The following RSPRY1 variants were observed in gnomAD, a reference collection of about 807,000 sequenced individuals.
The protein encoded by RSPRY1 is ring finger and SPRY domain containing 1.
In RSPRY1, 23 loss-of-function variants were observed where a neutral mutation model predicts 73.1. The ratio of observed to expected loss-of-function variants is 0.31; its 90% confidence interval spans 0.23 to 0.45. The LOEUF (loss-of-function observed/expected upper bound fraction) is 0.45, where lower values mean the gene tolerates loss of function less well. RSPRY1 is among the 20% of genes least tolerant of loss of function. RSPRY1 has a pLI of 1.00. For synonymous variants in RSPRY1, 226 were observed against 251.4 expected, an observed-to-expected ratio of 0.90 and a Z score of 0.95; for missense variants, 448 against 698.7, an observed-to-expected ratio of 0.64 and a Z score of 4.05.
chr16:57,193,654 G>A lies in RSPRY1; in HGVS notation c.-156+7203G>A, dbSNP rs150919285. Among the ~76,000 whole-genome samples, 732 of 152,044 alleles carry A rather than the reference G, an allele frequency of 4.8e-3. 4 individuals are homozygous for A. The highest frequency in any genetic ancestry group is 0.017 in the African/African-American group (694 of 41,474). ...ATTACAGGCACACGCCACTGTGCCT[G>A]GCTAATTTTTGTATTTTTTTAAGCA... On this transcript the variant is annotated intron_variant, in intron 1 of 14. Coordinates refer to ENST00000394420, the MANE Select transcript of RSPRY1 (RefSeq NM_133368.3).
intron 14 of RSPRY1, among the ~76,000 whole-genome samples, chr16:57,236,273 G>C (rs947500687): frequency 2.0e-5 from 3 of 152,166 alleles, no homozygotes; most frequent in African/African-American, 4.8e-5. Flanking sequence ...CTCTGGTCCT[G>C]TGGTCTTGCA....
intron 1 of RSPRY1, among the ~76,000 whole-genome samples, chr16:57,202,878 TTATATATATATATATA>T (rs55701001): frequency 1.5e-5 from 2 of 131,638 alleles, no homozygotes; most frequent in South Asian, 2.8e-4. Context: ...TTACATATGA[TTATATATATATATATA>T]TATATATATA....
At chr16:57,238,071 T>G (rs1434611245) in intron 14 of RSPRY1, among the ~76,000 whole-genome samples, 1 of 152,134 alleles carries the variant, frequency 6.6e-6, no homozygotes, top group Non-Finnish European at 1.5e-5. Context: ...AACATATAAT[T>G]GAAGATCCCT....
intron 3 of RSPRY1, among the ~76,000 whole-genome samples, 192 bp downstream of exon 3, chr16:57,208,302 C>CTTTTTTTT (rs34138044): frequency 1.3e-5 from 1 of 79,182 alleles, no homozygotes. Context: ...CATATTATAC[C>CTTTTTTTT]TTTTTTTTTT....
rs778841803 is a variant in RSPRY1 at position 57,204,611 on chromosome 16, C to A, written c.-48C>A. ...AAAAACAAATAGGATGCAAATTCCT[C>A]AACTCCAGGTTATGAAAACAGTACT... On this transcript the variant is annotated 5_prime_UTR_variant, in exon 2 of 15. Transcript: ENST00000394420. 2 of 1,547,462 alleles carry A rather than the reference C, an allele frequency of 1.3e-6. No homozygotes were observed. The highest frequency in any genetic ancestry group is 1.8e-6 in the Non-Finnish European group (2 of 1,132,192).
chr16:57,202,885 TA>T (rs2074649650), intron 1 of RSPRY1, among the ~76,000 whole-genome samples: 1 of 44,438 alleles, frequency 2.3e-5, no homozygotes, highest in Non-Finnish European at 4.7e-5. Context: ...TGATTATATA[TA>T]TATATATATA....
intron 4 of RSPRY1, among the ~76,000 whole-genome samples, chr16:57,212,684 G>A (rs148714622): frequency 5.9e-5 from 9 of 151,852 alleles, no homozygotes; most frequent in African/African-American, 1.5e-4. Flanking sequence ...GCACGATCTC[G>A]GCTCACTGCA....
In RSPRY1 at chr16:57,239,039, G is replaced by GA. The variant is rs3214478; in HGVS notation, c.*74dup. On this transcript the variant is annotated 3_prime_UTR_variant, in exon 15 of 15. Transcript: ENST00000394420. ...TTCCAGCCAATGTTGAAAAGAAAAA[G>GA]AAAAAAAAAACTCTCTAATCAGTTG... is the stretch of plus-strand genomic sequence containing the variant. 0.013 allele frequency: 9,943 copies of GA among 738,236 alleles called. 1 individual carries two copies. The highest frequency in any genetic ancestry group is 0.015 in the Non-Finnish European group (7,077 of 478,516). 45.7% of individuals were successfully genotyped at this position (738,236 alleles called of 1,614,324 possible).
intron 9 of RSPRY1, among the ~76,000 whole-genome samples, 189 bp from the exon 10 acceptor site, chr16:57,221,083 C>T (rs927459728): frequency 6.6e-6 from 1 of 152,156 alleles, no homozygotes; most frequent in South Asian, 2.1e-4. Context: ...TTCTTTGATT[C>T]TGTATGTTGC....
chr16:57,199,459 T>G (rs1203904453), intron 1 of RSPRY1, among the ~76,000 whole-genome samples: 1 of 152,072 alleles, frequency 6.6e-6, no homozygotes, highest in African/African-American at 2.4e-5. Context: ...ACCATTGCAC[T>G]CCAGCCTGGG....
chr16:57,199,895 G>T (rs200798983), intron 1 of RSPRY1, among the ~76,000 whole-genome samples: 134 of 106,000 alleles, frequency 1.3e-3, no homozygotes, highest in East Asian at 1.8e-3. Context: ...TTTTTTGTTT[G>T]TTTTTTTTTT....
At chr16:57,210,686 C>T (rs2146277022) in intron 4 of RSPRY1, among the ~76,000 whole-genome samples, 1 of 151,018 alleles carries the variant, frequency 6.6e-6, no homozygotes. Context: ...GCACTCCAGC[C>T]TGGGCGACAA....
chr16:57,218,780 G>T (rs1256732583), intron 8 of RSPRY1, among the ~76,000 whole-genome samples: 1 of 91,090 alleles, frequency 1.1e-5, no homozygotes, highest in Non-Finnish European at 1.9e-5. Flanking sequence ...CTGTCGCCCA[G>T]GCTGGAGTGC....
chr16:57,228,599 A>T (rs1473847784), intron 11 of RSPRY1, among the ~76,000 whole-genome samples: 3 of 152,302 alleles, frequency 2.0e-5, no homozygotes, highest in East Asian at 3.9e-4. Flanking sequence ...GAGATTTTTT[A>T]AAAACACTTA....
intron 1 of RSPRY1, among the ~76,000 whole-genome samples, chr16:57,200,577 C>G (rs1336771500): frequency 2.0e-5 from 3 of 149,694 alleles, no homozygotes; most frequent in African/African-American, 7.4e-5. Flanking sequence ...GCTGGCCGGG[C>G]AGAGGGGCTC....
intron 14 of RSPRY1, among the ~76,000 whole-genome samples, chr16:57,237,022 C>T (rs1316353673): frequency 6.6e-6 from 1 of 151,928 alleles, no homozygotes; most frequent in Non-Finnish European, 1.5e-5. Flanking sequence ...AAAAAAATTA[C>T]CCGGGCGTGG....
At chr16:57,189,816 C>A (rs149104747) in intron 1 of RSPRY1, among the ~76,000 whole-genome samples, 2 of 151,916 alleles carry the variant, frequency 1.3e-5, no homozygotes, top group African/African-American at 4.8e-5. Flanking sequence ...GTCTCAAACT[C>A]CTGGGCACAA....
At chr16:57,223,412 G>A (rs1449789741) in intron 10 of RSPRY1, among the ~76,000 whole-genome samples, 2 of 152,192 alleles carry the variant, frequency 1.3e-5, no homozygotes, top group African/African-American at 2.4e-5. Flanking sequence ...AGTTTGTCTT[G>A]TTGTATTGTA....
chr16:57,210,311 C>T (rs1342764309), intron 4 of RSPRY1, among the ~76,000 whole-genome samples: 7 of 152,224 alleles, frequency 4.6e-5, no homozygotes, highest in African/African-American at 1.7e-4. Flanking sequence ...AACTCCTGGG[C>T]TCAAGGGATC....
Sources: gnomAD v4.1 joint callset for allele counts (sites outside exome capture counted in the v4.1 genomes callset) on GRCh38, gnomAD v4.1.1 for gene constraint, MANE v1.5 for transcripts, NCBI Gene and HGNC (gene_info 2026-07-23, HGNC 2026-07-21) for gene names.